SLC14A2: variants seen among roughly 807,000 people sequenced by gnomAD.
SLC14A2 encodes the protein urea transporter 2.
In SLC14A2, 91 loss-of-function variants were observed where a neutral mutation model predicts 104.6. The observed-to-expected ratio is 0.87, with a 90% CI of 0.73 to 1.04. The LOEUF is 1.04. Among genes scored for constraint, SLC14A2 ranks in the 50% least tolerant of loss-of-function variants. The probability of loss-of-function intolerance (pLI) is 0.00; values close to 1 mark genes in which losing one functional copy is unlikely to be tolerated. For missense variants in SLC14A2, 1,189 were observed against 1,156.0 expected (o/e 1.03, Z -0.41); for synonymous variants, 476 against 466.4 (o/e 1.02, Z -0.27).
intron 1 of SLC14A2, among the ~76,000 whole-genome samples, chr18:45,399,083 C>T (rs1180324258): frequency 2.0e-5 from 3 of 152,176 alleles, no homozygotes; most frequent in Admixed American, 1.3e-4. Flanking sequence ...ACAACAATCT[C>T]AAGAAGTAAA....
At chr18:45,513,141 C>T (rs991983836) in intron 2 of SLC14A2, among the ~76,000 whole-genome samples, 1 of 152,150 alleles carries the variant, frequency 6.6e-6, no homozygotes, top group African/African-American at 2.4e-5. Flanking sequence ...TCATCAGGGC[C>T]AGCTTTTAGC....
At chr18:45,499,485 G>A (rs2043156460) in intron 2 of SLC14A2, among the ~76,000 whole-genome samples, 1 of 152,178 alleles carries the variant, frequency 6.6e-6, no homozygotes, top group Non-Finnish European at 1.5e-5. Flanking sequence ...CTTAAAGGCT[G>A]TATGATCTTG....
At chr18:45,261,896 G>A (rs2084542479) in intron 1 of SLC14A2, among the ~76,000 whole-genome samples, 1 of 152,212 alleles carries the variant, frequency 6.6e-6, no homozygotes. Flanking sequence ...ATAGCAGCAT[G>A]ATTTATAATC....
chr18:45,373,487 C>G (rs2085743553), intron 1 of SLC14A2, among the ~76,000 whole-genome samples: 1 of 152,306 alleles, frequency 6.6e-6, no homozygotes, highest in Admixed American at 6.5e-5. Flanking sequence ...CTCATTTCCT[C>G]TTTTAAAAAC....
At chr18:45,679,140 T>C in intron 19 of SLC14A2, 116 bp downstream of exon 19, 1 of 939,592 alleles carries the variant, frequency 1.1e-6, no homozygotes, top group African/African-American at 1.7e-5. Flanking sequence ...TTCATCTCCC[T>C]TATTTCAAGT....
intron 2 of SLC14A2, among the ~76,000 whole-genome samples, chr18:45,572,151 G>GTCT (rs2044356835): frequency 6.6e-6 from 1 of 152,204 alleles, no homozygotes; most frequent in African/African-American, 2.4e-5. Flanking sequence ...GATTAGGTCA[G>GTCT]TCTTTAAAGC....
intron 1 of SLC14A2, among the ~76,000 whole-genome samples, chr18:45,355,532 C>A (rs1039113820): frequency 6.9e-6 from 1 of 143,892 alleles, no homozygotes; most frequent in Non-Finnish European, 1.5e-5. Context: ...GAGCCGAGAT[C>A]GCACCATTGC....
chr18:45,636,657 T>C (rs1446082134), intron 5 of SLC14A2, among the ~76,000 whole-genome samples: 3 of 152,248 alleles, frequency 2.0e-5, no homozygotes, highest in East Asian at 1.9e-4. Flanking sequence ...TGTTTAGTTT[T>C]CTTGGTTTAA....
intron 1 of SLC14A2, among the ~76,000 whole-genome samples, chr18:45,347,729 T>G (rs2085463786): frequency 6.6e-6 from 1 of 152,204 alleles, no homozygotes; most frequent in Admixed American, 6.5e-5. Flanking sequence ...TTTTCTTTGA[T>G]CTCCCTTTAG....
chr18:45,315,517 T>A (rs2085120672), intron 1 of SLC14A2, among the ~76,000 whole-genome samples: 2 of 152,082 alleles, frequency 1.3e-5, no homozygotes, highest in Admixed American at 1.3e-4. Flanking sequence ...ATTAGACAGG[T>A]AAACAAGAGG....
rs943706916 is a variant in SLC14A2 at position 45,672,878 on chromosome 18, T to C, written c.2230-22T>C. On this transcript the variant is annotated intron_variant, in intron 16 of 19. Transcript: ENST00000255226. ...GTCTCTTTTGCCTCCATAATGAGCA[T>C]GTAATCCTGTTATGCCTACAGCTTT... is the stretch of plus-strand genomic sequence containing the variant. 5 of 1,608,030 alleles carry C rather than the reference T, an allele frequency of 3.1e-6. 1 individual carries two copies. The Admixed American group carries it at 5.1e-5, about 16-fold the overall frequency.
At chr18:45,227,491 A>G (rs565833200) in intron 1 of SLC14A2, among the ~76,000 whole-genome samples, 1 of 152,342 alleles carries the variant, frequency 6.6e-6, no homozygotes, top group East Asian at 1.9e-4. Flanking sequence ...TTCTTGCTTC[A>G]TTATCACATA....
intron 2 of SLC14A2, chr18:45,483,433 A>G (rs992600098): frequency 1.3e-5 from 2 of 152,172 alleles, no homozygotes; most frequent in Non-Finnish European, 2.9e-5. Flanking sequence ...GGTGATTACA[A>G]CCACACGGGA....
intron 1 of SLC14A2, among the ~76,000 whole-genome samples, chr18:45,221,176 G>A (rs2084058465): frequency 6.6e-6 from 1 of 152,124 alleles, no homozygotes; most frequent in South Asian, 2.1e-4. Context: ...TAACTGCCAG[G>A]GGTACAGCTG....
chr18:45,213,604 T>C (rs2083980889), intron 1 of SLC14A2, among the ~76,000 whole-genome samples: 1 of 152,182 alleles, frequency 6.6e-6, no homozygotes, highest in South Asian at 2.1e-4. Context: ...TTTATCCCAT[T>C]CAAAACGTTA....
At chr18:45,505,276 G>T (rs1288508306) in intron 2 of SLC14A2, among the ~76,000 whole-genome samples, 4 of 152,132 alleles carry the variant, frequency 2.6e-5, no homozygotes, top group Non-Finnish European at 5.9e-5. Context: ...GGCAGGGATT[G>T]TCCCTCTGTC....
chr18:45,507,051 G>A (rs1308905194), intron 2 of SLC14A2, among the ~76,000 whole-genome samples: 1 of 152,200 alleles, frequency 6.6e-6, no homozygotes, highest in Non-Finnish European at 1.5e-5. Context: ...GAGATGGACA[G>A]GACAAGGTCT....
intron 1 of SLC14A2, among the ~76,000 whole-genome samples, chr18:45,254,410 A>G (rs889259023): frequency 2.6e-5 from 4 of 152,220 alleles, no homozygotes; most frequent in Admixed American, 2.6e-4. Flanking sequence ...GTGAGCTAAC[A>G]TATTAGAGGC....
chr18:45,598,519 T>C (rs1288756693), intron 2 of SLC14A2, among the ~76,000 whole-genome samples: 1 of 152,206 alleles, frequency 6.6e-6, no homozygotes, highest in Non-Finnish European at 1.5e-5. Flanking sequence ...AAAAATTATA[T>C]TTTATGACTG....
Sources: allele counts gnomAD v4.1 joint callset (sites outside exome capture counted in the v4.1 genomes callset), GRCh38; gene constraint gnomAD v4.1.1; transcripts MANE v1.5; gene names NCBI Gene and HGNC (gene_info 2026-07-23, HGNC 2026-07-21).